The following OSBPL9 variants were observed in gnomAD, a reference collection of about 807,000 sequenced individuals.
OSBPL9 encodes oxysterol binding protein like 9.
In OSBPL9, 40 loss-of-function variants were observed where a neutral mutation model predicts 106.6. That is an observed-to-expected ratio of 0.38 (90% confidence interval 0.29 to 0.49). The LOEUF is 0.49. Ranked by LOEUF, OSBPL9 falls within the 20% of genes least tolerant of loss-of-function variation. The pLI, the probability that OSBPL9 is intolerant of heterozygous loss-of-function variation, is 0.97. For missense variants in OSBPL9, 609 were observed against 887.2 expected (o/e 0.69, Z 3.98); for synonymous variants, 269 against 295.4 (o/e 0.91, Z 0.92).
At chr1:51,536,292 A>G in the OSBPL9 span, among the ~76,000 whole-genome samples, 1 of 152,158 alleles carries the variant, frequency 6.6e-6, no homozygotes, top group South Asian at 2.1e-4. Context: ...TGACTTTTAA[A>G]AAGGTTTTTT....
chr1:51,756,835 TG>T (rs1670442168), intron 9 of OSBPL9: 1 of 152,386 alleles, frequency 6.6e-6, no homozygotes, highest in African/African-American at 2.4e-5. Context: ...GCATTTTTGT[TG>T]GAACAATTTA....
At chr1:51,622,049 C>T (rs571489690) in intron 1 of OSBPL9, among the ~76,000 whole-genome samples, 48 of 151,390 alleles carry the variant, frequency 3.2e-4, no homozygotes, top group Middle Eastern at 3.4e-3. Context: ...AATATGGTTG[C>T]GGAGAAGTAA....
At chr1:51,658,763 G>A (rs530328781) in intron 2 of OSBPL9, among the ~76,000 whole-genome samples, 1 of 151,638 alleles carries the variant, frequency 6.6e-6, no homozygotes, top group African/African-American at 2.4e-5. Flanking sequence ...TTTTCACAAT[G>A]CAATAAGGTG....
At chr1:51,733,601 C>T (rs1424028890) in intron 4 of OSBPL9, among the ~76,000 whole-genome samples, 1 of 152,056 alleles carries the variant, frequency 6.6e-6, no homozygotes, top group Non-Finnish European at 1.5e-5. Context: ...ATGGTAAAAC[C>T]TCATCTCTAA....
chr1:51,556,538 T>G, the OSBPL9 span, among the ~76,000 whole-genome samples: 2 of 151,966 alleles, frequency 1.3e-5, no homozygotes, highest in African/African-American at 4.8e-5. Flanking sequence ...TACAAAAACA[T>G]AATTAGGTAA....
At chr1:51,757,445 T>G (rs1280867882) in intron 9 of OSBPL9, among the ~76,000 whole-genome samples, 1 of 151,926 alleles carries the variant, frequency 6.6e-6, no homozygotes. Flanking sequence ...CATTTTATGG[T>G]CTCCAAAGAC....
chr1:51,675,401 G>A (rs1650949768), intron 3 of OSBPL9, among the ~76,000 whole-genome samples: 2 of 148,516 alleles, frequency 1.3e-5, no homozygotes, highest in Non-Finnish European at 3.0e-5. Context: ...TGTGAATGGG[G>A]TTGAGTGTGT....
At position 51,752,418 on chromosome 1, in the gene OSBPL9, T is replaced by G. The variant is rs1408934577; in HGVS notation, c.543+2223T>G. ...AAAATAGCCTATACCTCCCACTGGT[T>G]TCTTTTTCTTCGTGGCCTCGTATCA... On this transcript the variant is annotated intron_variant, in intron 8 of 23. Coordinates refer to ENST00000428468, the MANE Select transcript of OSBPL9 (RefSeq NM_024586.6). The G allele has an allele frequency of 3.4e-5, 14 of 412,828 alleles. 1 individual carries two copies. In the East Asian group the frequency reaches 7.9e-4, roughly 23 times the overall value. 25.6% of individuals were successfully genotyped at this position (412,828 alleles called of 1,614,324 possible).
rs759965779 is a variant in OSBPL9, at chr1:51,697,453, C to CTT, written c.242-16528_242-16527dup. On this transcript the variant is annotated intron_variant, in intron 3 of 23. Transcript: ENST00000428468. The stretch of plus-strand genomic sequence containing the variant: ...GAGGCCTTCCTGATTATAGGGGTTA[C>CTT]TTTTTTTTTTTTTTTTTTTTTTTAC... 2.8e-3 allele frequency among the ~76,000 whole-genome samples: 289 copies of CTT among 103,146 alleles called. 2 individuals are homozygous for CTT. Among genetic ancestry groups the CTT allele is most frequent in the Middle Eastern group, 5.6e-3 (1 of 180 alleles). 67.7% of individuals were successfully genotyped at this position (103,146 alleles called of 152,430 possible). A position where few individuals can be genotyped will look rare whatever the true frequency, so the allele number is the denominator to read the frequency against.
chr1:51,783,903 A>T lies in OSBPL9; in HGVS notation c.1514-12A>T, dbSNP rs1328822898. On this transcript the variant is annotated splice_polypyrimidine_tract_variant and intron_variant, in intron 17 of 23. Transcript: ENST00000428468. ...GGTATATATAATCTACTAATTGAAA[A>T]TTTCTATTCAGTTTCAGCCTTTTAT... 2 of 1,585,284 alleles carry T rather than the reference A, an allele frequency of 1.3e-6. No homozygotes were observed. Among genetic ancestry groups the T allele is most frequent in the East Asian group, 4.5e-5 (2 of 44,702 alleles).
intron 1 of OSBPL9, among the ~76,000 whole-genome samples, chr1:51,581,777 T>C (rs1645222666): frequency 6.6e-6 from 1 of 152,186 alleles, no homozygotes; most frequent in Non-Finnish European, 1.5e-5. Context: ...CACCTCAGCT[T>C]CCTGAGTAGC....
intron 1 of OSBPL9, among the ~76,000 whole-genome samples, chr1:51,579,120 A>G (rs1027480150): frequency 6.6e-6 from 1 of 150,794 alleles, no homozygotes; most frequent in East Asian, 1.9e-4. Context: ...CAGTGGTCCA[A>G]TTTCAGCTCA....
chr1:51,519,012 G>C, the OSBPL9 span, among the ~76,000 whole-genome samples: 34 of 151,432 alleles, frequency 2.2e-4, no homozygotes, highest in African/African-American at 7.7e-4. Flanking sequence ...GCGGCCGCAG[G>C]GGGGCTCCGG....
intron 2 of OSBPL9, among the ~76,000 whole-genome samples, chr1:51,653,115 GGAAAT>G (rs1203546840): frequency 6.6e-6 from 1 of 152,030 alleles, no homozygotes; most frequent in Non-Finnish European, 1.5e-5. Flanking sequence ...TTTGCAGGAT[GGAAAT>G]GAGACAGGCT....
chr1:51,566,154 G>T, the OSBPL9 span: 3 of 143,318 alleles, frequency 2.1e-5, no homozygotes, highest in African/African-American at 9.0e-5. Flanking sequence ...GAGGCTGCTG[G>T]ATCCCCAACA....
At chr1:51,651,389 G>C (rs965176847) in intron 1 of OSBPL9, among the ~76,000 whole-genome samples, 6 of 152,100 alleles carry the variant, frequency 3.9e-5, no homozygotes, top group Non-Finnish European at 5.9e-5. Flanking sequence ...GATCACCTGA[G>C]GTCAGGAGTT....
chr1:51,638,527 A>G (rs1645592016), intron 1 of OSBPL9, among the ~76,000 whole-genome samples: 1 of 151,874 alleles, frequency 6.6e-6, no homozygotes, highest in African/African-American at 2.4e-5. Context: ...ATTTGAGACC[A>G]GCCTGAGCAA....
intron 2 of OSBPL9, among the ~76,000 whole-genome samples, chr1:51,604,563 A>G (rs1171944905): frequency 6.6e-6 from 1 of 152,016 alleles, no homozygotes; most frequent in African/African-American, 2.4e-5. Flanking sequence ...CTCAAAGAAA[A>G]AAAAAATTCA....
intron 1 of OSBPL9, among the ~76,000 whole-genome samples, chr1:51,650,656 C>G (rs752515735): frequency 1.7e-4 from 26 of 152,084 alleles, no homozygotes; most frequent in Non-Finnish European, 3.2e-4. Flanking sequence ...TGTAGGGCAT[C>G]TATAGTTTCA....
Sources: allele counts gnomAD v4.1 joint callset (sites outside exome capture counted in the v4.1 genomes callset), GRCh38; gene constraint gnomAD v4.1.1; transcripts MANE v1.5; gene names NCBI Gene and HGNC (gene_info 2026-07-23, HGNC 2026-07-21).